Variants in GIGYF2 observed in about 807,000 individuals in gnomAD.
GIGYF2 encodes the protein GRB10 interacting GYF protein 2.
A neutral mutation model predicts 208.1 loss-of-function variants in GIGYF2; 25 were observed. The observed-to-expected ratio is 0.12, with a 90% confidence interval of 0.09 to 0.17. The LOEUF (loss-of-function observed/expected upper bound fraction) is 0.17. Among genes scored for constraint, GIGYF2 ranks in the 10% least tolerant of loss-of-function variants. The pLI is 1.00. For synonymous variants in GIGYF2, 534 were observed against 543.8 expected (o/e 0.98, Z 0.25); for missense variants, 1,302 against 1,579.4 (o/e 0.82, Z 2.98).
rs1218137908 is a variant in GIGYF2 at position 232,792,974 on chromosome 2, G to T, written c.1282+1528G>T. Among the ~76,000 whole-genome samples the T allele has an allele frequency of 4.6e-5, 7 of 152,310 alleles. No homozygotes were observed. In the South Asian group the frequency reaches 1.5e-3, roughly 32 times the overall value. ...TTCTAGGGCAAAAAGTAAGATAAGG[G>T]TTCACTGTTGGCAGACTCTTGGGAT... On this transcript the variant is annotated intron_variant, in intron 12 of 28. Transcript: ENST00000373563.
chr2:232,851,356 C>T (rs1690317020), intron 28 of GIGYF2, among the ~76,000 whole-genome samples: 1 of 152,082 alleles, frequency 6.6e-6, no homozygotes, highest in South Asian at 2.1e-4. Context: ...AATATTGTTT[C>T]AGGAATAACA....
chr2:232,854,889 T>G (rs1004400044), intron 28 of GIGYF2, among the ~76,000 whole-genome samples: 9 of 152,264 alleles, frequency 5.9e-5, no homozygotes, highest in African/African-American at 1.9e-4. Context: ...TACTTTTTGG[T>G]ATTCAAATAA....
intron 14 of GIGYF2, among the ~76,000 whole-genome samples, chr2:232,800,561 T>C (rs991522912): frequency 6.6e-6 from 1 of 151,956 alleles, no homozygotes. Context: ...ATGTGAGTCC[T>C]CCAGCTTTGT....
intron 18 of GIGYF2, among the ~76,000 whole-genome samples, chr2:232,814,700 A>G (rs992501234): frequency 1.3e-5 from 2 of 152,146 alleles, no homozygotes; most frequent in Admixed American, 1.3e-4. Flanking sequence ...ATCTGAAAAA[A>G]TCCAAAATTT....
rs137988140 is a variant in GIGYF2, at chr2:232,798,790, GT to G, written c.1639+2579del. Among the ~76,000 whole-genome samples, 650 of 143,242 alleles carry G rather than the reference GT, an allele frequency of 4.5e-3. 3 individuals carry two copies. The highest frequency in any genetic ancestry group is 0.018 in the Middle Eastern group (5 of 274). The allele number at this position is 143,242 out of a possible 152,430, so 94.0% of individuals were successfully genotyped here. A position where few individuals can be genotyped will look rare whatever the true frequency, so the allele number is the denominator to read the frequency against. On this transcript the variant is annotated intron_variant, in intron 14 of 28. Coordinates refer to ENST00000373563, the MANE Select transcript of GIGYF2 (RefSeq NM_001103146.3). ...TAATTGGATTGTTTGCTTATTTTAC[GT>G]TTTTTTTTTAATTCATTTTAAATAT...
At chr2:232,735,465 G>A (rs1171274492) in intron 3 of GIGYF2, 2 of 418,984 alleles carry the variant, frequency 4.8e-6, no homozygotes, top group East Asian at 7.7e-5. Flanking sequence ...ATGTAATGAT[G>A]GCGGGAGTCC....
intron 5 of GIGYF2, 23 bp from the exon 6 acceptor site, chr2:232,756,200 T>A (rs766461528): frequency 1.3e-6 from 1 of 770,434 alleles, no homozygotes; most frequent in Non-Finnish European, 1.8e-6. Flanking sequence ...TTTTTCTCTT[T>A]TTTTTTTTTT....
chr2:232,736,051 C>G (rs1308718497), intron 3 of GIGYF2: 1 of 975,692 alleles, frequency 1.0e-6, no homozygotes, highest in Non-Finnish European at 1.2e-6. Flanking sequence ...TGTAGTAACT[C>G]TATTTGAGGA....
chr2:232,730,086 A>C, intron 2 of GIGYF2: 2 of 1,217,106 alleles, frequency 1.6e-6, no homozygotes, highest in Non-Finnish European at 2.4e-6. Context: ...TGCTGCTTCA[A>C]ATACTGCCAC....
intron 22 of GIGYF2, among the ~76,000 whole-genome samples, chr2:232,837,630 TTTA>T (rs1438722041): frequency 6.6e-6 from 1 of 152,076 alleles, no homozygotes; most frequent in Non-Finnish European, 1.5e-5. Flanking sequence ...ACTTTTTTTT[TTTA>T]TTTTTAGTAG....
chr2:232,786,776 G>A (rs546490519), intron 8 of GIGYF2, among the ~76,000 whole-genome samples: 5 of 152,230 alleles, frequency 3.3e-5, no homozygotes, highest in South Asian at 2.1e-4. Flanking sequence ...GTGTGGATGA[G>A]GGAGCTATGT....
At chr2:232,779,709 G>T (rs1048742475) in intron 8 of GIGYF2, among the ~76,000 whole-genome samples, 3 of 152,176 alleles carry the variant, frequency 2.0e-5, no homozygotes, top group Admixed American at 6.5e-5. Context: ...CTTTTTCAGA[G>T]ATTCTGATAC....
chr2:232,826,170 C>T (rs1224620216), intron 21 of GIGYF2, among the ~76,000 whole-genome samples: 1 of 152,152 alleles, frequency 6.6e-6, no homozygotes, highest in Non-Finnish European at 1.5e-5. Context: ...AACATGTGTG[C>T]ATGTGTCTTT....
intron 22 of GIGYF2, among the ~76,000 whole-genome samples, chr2:232,836,361 A>C: frequency 1.5e-5 from 1 of 65,258 alleles, no homozygotes; most frequent in African/African-American, 6.5e-5. Flanking sequence ...TATATATATA[A>C]ATATAAATAT....
chr2:232,711,905 C>T (rs966991420), intron 2 of GIGYF2, among the ~76,000 whole-genome samples: 6 of 150,470 alleles, frequency 4.0e-5, no homozygotes, highest in African/African-American at 1.5e-4. Flanking sequence ...ATATGAAATC[C>T]GAGTTATATC....
At chr2:232,755,908 T>A (rs1698517013) in intron 5 of GIGYF2, among the ~76,000 whole-genome samples, 1 of 152,248 alleles carries the variant, frequency 6.6e-6, no homozygotes, top group Non-Finnish European at 1.5e-5. Context: ...TGTTATGTAT[T>A]TTCCCTATCT....
At chr2:232,761,595 A>G (rs1362659175) in intron 8 of GIGYF2, 159 bp downstream of exon 8, 2 of 579,500 alleles carry the variant, frequency 3.5e-6, no homozygotes, top group Non-Finnish European at 6.3e-6. Flanking sequence ...GAATACAGCC[A>G]TTAGGATTTA....
Position 232,754,022 on chromosome 2 carries a change from A to G in GIGYF2, c.268-2201A>G, listed in dbSNP as rs187440828. Among the ~76,000 whole-genome samples the G allele has an allele frequency of 1.4e-4, 21 of 152,192 alleles. No individual in the cohort carries two copies. The East Asian group carries it at 3.9e-3, about 28-fold the overall frequency. On this transcript the variant is annotated intron_variant, in intron 5 of 28. Coordinates refer to ENST00000373563, the MANE Select transcript of GIGYF2 (RefSeq NM_001103146.3). Reference sequence around the variant, plus strand: ...CTACTAAAAATAGAAAAAATTAGCCAGGCATGGTGGCATGCGCCTGTAGTC... The same window carrying G: ...CTACTAAAAATAGAAAAAATTAGCCGGGCATGGTGGCATGCGCCTGTAGTC...
chr2:232,791,651 G>A (rs73997516), intron 12 of GIGYF2, among the ~76,000 whole-genome samples: 2,332 of 152,294 alleles, frequency 0.015, 70 homozygotes, highest in African/African-American at 0.054. Context: ...GTTCGAATCT[G>A]CAAGGGTGGA....
Sources: allele counts gnomAD v4.1 joint callset (sites outside exome capture counted in the v4.1 genomes callset), GRCh38; gene constraint gnomAD v4.1.1; transcripts MANE v1.5; gene names NCBI Gene and HGNC (gene_info 2026-07-23, HGNC 2026-07-21).